Variants in NDUFAF6 observed in about 807,000 individuals in gnomAD.
NDUFAF6 encodes the protein NADH:ubiquinone oxidoreductase complex assembly factor 6.
NDUFAF6 carries 45 observed loss-of-function variants against 40.8 expected under a neutral mutation model. The ratio of observed to expected loss-of-function variants is 1.10; its 90% CI spans 0.87 to 1.42. NDUFAF6 has a LOEUF of 1.42. Ranked by LOEUF, NDUFAF6 falls within the 40% of genes most tolerant of loss-of-function variation. NDUFAF6 has a pLI of 0.00. For synonymous variants in NDUFAF6, 185 were observed against 155.9 expected, an observed-to-expected ratio of 1.19 and a Z score of -1.39; for missense variants, 435 against 418.5, an observed-to-expected ratio of 1.04 and a Z score of -0.34.
At chr8:95,112,863 C>G (rs1247530922) in intron 4 of NDUFAF6, among the ~76,000 whole-genome samples, 1 of 152,244 alleles carries the variant, frequency 6.6e-6, no homozygotes, top group East Asian at 1.9e-4. Flanking sequence ...AAATGTTTAG[C>G]AACCAGGATG....
chr8:94,985,951 G>T (rs1825869836), intron 2 of NDUFAF6, among the ~76,000 whole-genome samples: 1 of 149,444 alleles, frequency 6.7e-6, no homozygotes, highest in Non-Finnish European at 1.5e-5. Context: ...TCGGCTCACT[G>T]CAAGCTCTGC....
chr8:94,977,107 C>G (rs1013458035), intron 1 of NDUFAF6, among the ~76,000 whole-genome samples: 3 of 143,588 alleles, frequency 2.1e-5, no homozygotes, highest in African/African-American at 7.9e-5. Context: ...CCACTGCACT[C>G]TAGCCTGGGT....
chr8:95,103,005 C>T (rs988735927), exon 3 of NDUFAF6: 12 of 152,120 alleles, frequency 7.9e-5, no homozygotes, highest in African/African-American at 1.9e-4. Context: ...CTTATGACGA[C>T]AAGATGGTGG....
intron 1 of NDUFAF6, among the ~76,000 whole-genome samples, chr8:94,901,191 G>A (rs1428028164): frequency 2.0e-5 from 3 of 152,162 alleles, no homozygotes; most frequent in African/African-American, 7.2e-5. Flanking sequence ...AGTGCACAAC[G>A]AGGTTTGTAT....
At chr8:95,098,767 TACA>T (rs1009258319), upstream of NDUFAF6, among the ~76,000 whole-genome samples, 2 of 151,924 alleles carry the variant, frequency 1.3e-5, no homozygotes, top group African/African-American at 4.8e-5. Flanking sequence ...CATGTTAAAA[TACA>T]AAATTAGCTG....
chr8:94,919,207 A>G (rs1410645873), intron 1 of NDUFAF6, among the ~76,000 whole-genome samples: 1 of 152,014 alleles, frequency 6.6e-6, no homozygotes, highest in African/African-American at 2.4e-5. Context: ...TTTTAGATAG[A>G]GTCTTGCTCT....
At chr8:95,009,186 C>T (rs1827127462) in intron 2 of NDUFAF6, among the ~76,000 whole-genome samples, 3 of 148,060 alleles carry the variant, frequency 2.0e-5, no homozygotes. Context: ...GGCCACAGAG[C>T]AAGACCCTAT....
At chr8:95,011,447 T>C (rs765930025) in intron 2 of NDUFAF6, among the ~76,000 whole-genome samples, 1 of 152,200 alleles carries the variant, frequency 6.6e-6, no homozygotes, top group Non-Finnish European at 1.5e-5. Context: ...ATAAAATGGT[T>C]GTGGGAAATT....
intron 2 of NDUFAF6, among the ~76,000 whole-genome samples, chr8:95,002,075 T>G (rs1472317492): frequency 6.6e-6 from 1 of 152,208 alleles, no homozygotes; most frequent in African/African-American, 2.4e-5. Flanking sequence ...TTTATGGTAG[T>G]TGTTAAATTA....
chr8:95,080,444 G>A (rs540729979), downstream of NDUFAF6, among the ~76,000 whole-genome samples: 4 of 137,586 alleles, frequency 2.9e-5, no homozygotes, highest in South Asian at 1.0e-3. Flanking sequence ...GTGTATTTTT[G>A]TAGTGATTTT....
downstream of NDUFAF6, among the ~76,000 whole-genome samples, chr8:95,060,711 TG>T (rs1832551581): frequency 6.6e-6 from 1 of 152,246 alleles, no homozygotes. Flanking sequence ...ATTAGTTCAA[TG>T]CCAAAGCCCA....
At chr8:94,897,266 T>C (rs1255316243) in intron 1 of NDUFAF6, among the ~76,000 whole-genome samples, 2 of 152,370 alleles carry the variant, frequency 1.3e-5, no homozygotes, top group East Asian at 1.9e-4. Context: ...ACTGCTCTTA[T>C]AAATGTTCTT....
In NDUFAF6 at chr8:94,977,140, GAAAAA is replaced by G. The variant is rs999161388; in HGVS notation, c.-198-3702_-198-3698del. 8.1e-4 allele frequency among the ~76,000 whole-genome samples: 54 copies of G among 66,910 alleles called. No individual in the cohort carries two copies. The East Asian group carries it at 0.011, about 13-fold the overall frequency. 43.9% of individuals were successfully genotyped at this position (66,910 alleles called of 152,430 possible). ...GGTGACAGAGTGAGACCCTGACTCAGAAAAAAAAAAAAAAAAAAAAAGGTTAAGAT... is the reference window on the plus strand; with the variant it reads ...GGTGACAGAGTGAGACCCTGACTCAGAAAAAAAAAAAAAAAAGGTTAAGAT... On this transcript the variant is annotated intron_variant, in intron 1 of 9. Coordinates refer to the NDUFAF6 transcript ENST00000396111.
At chr8:95,024,843 G>A, upstream of NDUFAF6, 1 of 557,294 alleles carries the variant, frequency 1.8e-6, no homozygotes, top group Non-Finnish European at 2.7e-6. Flanking sequence ...AGTCGCGGCG[G>A]CGGCCCAGAT....
upstream of NDUFAF6, among the ~76,000 whole-genome samples, chr8:95,095,791 A>T (rs1322537204): frequency 6.6e-6 from 1 of 151,806 alleles, no homozygotes; most frequent in Non-Finnish European, 1.5e-5. Flanking sequence ...CAGCCTCCCA[A>T]GTAGCTGAGA....
At position 95,025,058 on chromosome 8, in the gene NDUFAF6, TC is replaced by T; in HGVS notation, c.54del (p.Gly19AlafsTer72). The T allele has an allele frequency of 7.0e-7, 1 of 1,428,732 alleles. No homozygotes were observed. The highest frequency in any genetic ancestry group is 9.1e-7 in the Non-Finnish European group (1 of 1,103,052). 88.5% of individuals were successfully genotyped at this position (1,428,732 alleles called of 1,614,324 possible). Reference protein sequence around the residue: ...GSVWGPLRLGIPGLCCRRPPL... With the variant: ...GSVWGPLRLGXPGLCCRRPPL... ...GTCTGGGGGCCGTTGCGGCTTGGCA[TC>T]CCCGGCCTGTGCTGCCGCCGGCCGC... On this transcript the variant is annotated frameshift_variant, in exon 1 of 9. Transcript: ENST00000396124. LOFTEE classifies it high-confidence loss of function.
chr8:94,968,474 C>T (rs1173599453), intron 1 of NDUFAF6, among the ~76,000 whole-genome samples: 1 of 152,164 alleles, frequency 6.6e-6, no homozygotes, highest in Non-Finnish European at 1.5e-5. Context: ...GCCATGTGGG[C>T]ATCTGTGGAA....
intron 2 of NDUFAF6, among the ~76,000 whole-genome samples, chr8:94,983,253 ATTC>A (rs1825588647): frequency 9.1e-6 from 1 of 110,312 alleles, no homozygotes; most frequent in African/African-American, 3.5e-5. Flanking sequence ...TATCTTTGCT[ATTC>A]TTTTTTTTTT....
At chr8:95,057,663 C>G (rs1002296543) in intron 8 of NDUFAF6, 146 bp from the exon 9 acceptor site, 35 of 657,168 alleles carry the variant, frequency 5.3e-5, no homozygotes, top group Non-Finnish European at 7.9e-5. Context: ...TTTTCTTTCT[C>G]TCTTTTAAAA....
Sources: allele counts gnomAD v4.1 joint callset (sites outside exome capture counted in the v4.1 genomes callset), GRCh38; gene constraint gnomAD v4.1.1; transcripts MANE v1.5; gene names NCBI Gene and HGNC (gene_info 2026-07-23, HGNC 2026-07-21).